Variants in DPP10 observed in about 807,000 individuals in gnomAD.
DPP10 encodes the protein inactive dipeptidyl peptidase 10.
DPP10 carries 33 observed loss-of-function variants against 120.9 expected under a neutral mutation model. That is an observed-to-expected ratio of 0.27 (90% CI 0.21 to 0.37). The LOEUF (loss-of-function observed/expected upper bound fraction) is 0.37, where lower values mean the gene tolerates loss of function less well. DPP10 is among the 10% of genes least tolerant of loss of function. The pLI is 1.00. For missense variants in DPP10, 816 were observed against 942.8 expected, an observed-to-expected ratio of 0.87 and a Z score of 1.76; for synonymous variants, 337 against 326.1, an observed-to-expected ratio of 1.03 and a Z score of -0.36.
chr2:114,573,513 G>C (rs913104375), intron 1 of DPP10, among the ~76,000 whole-genome samples: 2 of 152,096 alleles, frequency 1.3e-5, no homozygotes, highest in African/African-American at 4.8e-5. Context: ...GAAGTACAAG[G>C]AAAAGAGAAA....
chr2:115,721,907 C>A (rs2092658628), intron 7 of DPP10, among the ~76,000 whole-genome samples: 1 of 152,104 alleles, frequency 6.6e-6, no homozygotes, highest in Non-Finnish European at 1.5e-5. Flanking sequence ...CAATGGAATA[C>A]TATGCAGGTT....
At chr2:115,206,504 C>A (rs2056141508) in intron 1 of DPP10, among the ~76,000 whole-genome samples, 1 of 152,132 alleles carries the variant, frequency 6.6e-6, no homozygotes, top group South Asian at 2.1e-4. Context: ...AAGCAATTTT[C>A]CCCATATTTG....
chr2:114,844,585 C>A (rs1688404124), intron 1 of DPP10, among the ~76,000 whole-genome samples: 1 of 151,876 alleles, frequency 6.6e-6, no homozygotes, highest in Non-Finnish European at 1.5e-5. Context: ...CTACTGAAGT[C>A]TACATGATTC....
chr2:114,634,636 T>C (rs1036633560), intron 1 of DPP10, among the ~76,000 whole-genome samples: 1 of 151,950 alleles, frequency 6.6e-6, no homozygotes, highest in Admixed American at 6.5e-5. Context: ...TTCTCTGAGG[T>C]TTATTTTACC....
At chr2:114,731,253 C>G (rs1372861197) in intron 1 of DPP10, among the ~76,000 whole-genome samples, 1 of 151,220 alleles carries the variant, frequency 6.6e-6, no homozygotes, top group African/African-American at 2.4e-5. Flanking sequence ...ATGTTAATAT[C>G]ATTTATTGAG....
chr2:115,240,105 T>C (rs573997961), intron 1 of DPP10, among the ~76,000 whole-genome samples: 1 of 152,350 alleles, frequency 6.6e-6, no homozygotes, highest in African/African-American at 2.4e-5. Flanking sequence ...TATAATCCTT[T>C]GGATATACAC....
chr2:115,820,799 A>ATGTGTGTG (rs869085100), intron 21 of DPP10, among the ~76,000 whole-genome samples: 9,510 of 105,214 alleles, frequency 0.09, 474 homozygotes, highest in Admixed American at 0.2. Flanking sequence ...TCCATGGTGT[A>ATGTGTGTG]TGTGTGTGTG....
At chr2:114,921,805 C>G (rs1467200559) in intron 1 of DPP10, among the ~76,000 whole-genome samples, 1 of 152,214 alleles carries the variant, frequency 6.6e-6, no homozygotes, top group Non-Finnish European at 1.5e-5. Flanking sequence ...CACAAAGCCT[C>G]ACATTACTAG....
chr2:115,216,874 T>TAC, intron 1 of DPP10, among the ~76,000 whole-genome samples: 1 of 151,888 alleles, frequency 6.6e-6, no homozygotes, highest in African/African-American at 2.4e-5. Context: ...GACATAGACA[T>TAC]ATACGTGTAT....
chr2:115,768,517 T>A, intron 13 of DPP10, 113 bp downstream of exon 13: 1 of 817,156 alleles, frequency 1.2e-6, no homozygotes, highest in Non-Finnish European at 1.9e-6. Flanking sequence ...CAGCCATATA[T>A]ACAACTCACA....
At chr2:114,876,902 A>G (rs1307482689) in intron 1 of DPP10, among the ~76,000 whole-genome samples, 1 of 152,126 alleles carries the variant, frequency 6.6e-6, no homozygotes, top group African/African-American at 2.4e-5. Flanking sequence ...CCCTAAAGGT[A>G]CTAAAGTGTC....
At chr2:115,582,087 C>T (rs779436400) in intron 5 of DPP10, among the ~76,000 whole-genome samples, 3 of 152,054 alleles carry the variant, frequency 2.0e-5, no homozygotes, top group Non-Finnish European at 2.9e-5. Context: ...GAGGGGCAAG[C>T]GGGTGCCTTG....
intron 15 of DPP10, among the ~76,000 whole-genome samples, chr2:115,779,886 T>G (rs1682545473): frequency 6.6e-6 from 1 of 152,042 alleles, no homozygotes; most frequent in Non-Finnish European, 1.5e-5. Context: ...AGGAAATTTT[T>G]GGATTGTAAT....
At chr2:114,614,283 AT>A (rs1196325943) in intron 1 of DPP10, among the ~76,000 whole-genome samples, 2 of 152,088 alleles carry the variant, frequency 1.3e-5, no homozygotes, top group Non-Finnish European at 2.9e-5. Context: ...TTAAATTTAA[AT>A]TTAATTTTAT....
chr2:114,590,330 C>T (rs1038634392), intron 1 of DPP10, among the ~76,000 whole-genome samples: 2 of 152,088 alleles, frequency 1.3e-5, no homozygotes, highest in Non-Finnish European at 2.9e-5. Context: ...TAACACTATG[C>T]TAACAAGTAA....
At chr2:114,516,369 C>A (rs1045810268) in intron 1 of DPP10, among the ~76,000 whole-genome samples, 1 of 152,142 alleles carries the variant, frequency 6.6e-6, no homozygotes, top group African/African-American at 2.4e-5. Flanking sequence ...CTGCAAAGTC[C>A]ATTCTTCCAG....
At chr2:115,078,978 A>G (rs1708023217) in intron 1 of DPP10, among the ~76,000 whole-genome samples, 1 of 152,190 alleles carries the variant, frequency 6.6e-6, no homozygotes, top group African/African-American at 2.4e-5. Flanking sequence ...TGATAAACTT[A>G]AGGTTATCAA....
At chr2:115,527,122 A>T (rs2078177713) in intron 5 of DPP10, among the ~76,000 whole-genome samples, 1 of 152,126 alleles carries the variant, frequency 6.6e-6, no homozygotes, top group East Asian at 1.9e-4. Context: ...ACTTTTAAAA[A>T]ATCAGGTTTC....
chr2:115,584,538 T>C (rs553200953), intron 5 of DPP10, among the ~76,000 whole-genome samples: 1 of 152,332 alleles, frequency 6.6e-6, no homozygotes, highest in South Asian at 2.1e-4. Flanking sequence ...ATATTTACTG[T>C]CTGTCTCTTC....
Sources: gnomAD v4.1 joint callset for allele counts (sites outside exome capture counted in the v4.1 genomes callset) on GRCh38, gnomAD v4.1.1 for gene constraint, MANE v1.5 for transcripts, NCBI Gene and HGNC (gene_info 2026-07-23, HGNC 2026-07-21) for gene names.